The following AGTPBP1 variants were observed in gnomAD, a reference collection of about 807,000 sequenced individuals.
AGTPBP1 encodes the protein cytosolic carboxypeptidase 1.
AGTPBP1 carries 70 observed loss-of-function variants against 143.9 expected under a neutral mutation model. The observed-to-expected ratio is 0.49, with a 90% confidence interval of 0.40 to 0.59. The LOEUF (loss-of-function observed/expected upper bound fraction) is 0.59. Among genes scored for constraint, AGTPBP1 ranks in the 20% least tolerant of loss-of-function variants. AGTPBP1 has a pLI of 0.00. For missense variants in AGTPBP1, 1,229 were observed against 1,464.5 expected, an observed-to-expected ratio of 0.84 and a Z score of 2.62; for synonymous variants, 463 against 500.2, an observed-to-expected ratio of 0.93 and a Z score of 0.99.
intron 23 of AGTPBP1, among the ~76,000 whole-genome samples, chr9:85,583,526 G>T (rs1214645313): frequency 6.6e-6 from 1 of 152,036 alleles, no homozygotes; most frequent in Non-Finnish European, 1.5e-5. Flanking sequence ...TGAAATTTGG[G>T]TGCTTTATTT....
the AGTPBP1 span, among the ~76,000 whole-genome samples, chr9:85,780,542 C>T: frequency 6.6e-6 from 1 of 151,416 alleles, no homozygotes; most frequent in African/African-American, 2.4e-5. Context: ...GATACTAAAG[C>T]AGCCAATGAA....
intron 2 of AGTPBP1, among the ~76,000 whole-genome samples, chr9:85,697,357 A>G (rs1052272100): frequency 2.0e-5 from 3 of 151,132 alleles, no homozygotes; most frequent in Non-Finnish European, 4.4e-5. Flanking sequence ...TTAATGCAAA[A>G]ACATTATATG....
At chr9:85,710,339 G>A (rs1837287508) in intron 2 of AGTPBP1, among the ~76,000 whole-genome samples, 1 of 152,046 alleles carries the variant, frequency 6.6e-6, no homozygotes, top group Non-Finnish European at 1.5e-5. Context: ...ATCAAAGACA[G>A]TATCTACAGA....
the AGTPBP1 span, among the ~76,000 whole-genome samples, chr9:85,771,848 C>T: frequency 2.2e-4 from 33 of 151,610 alleles, no homozygotes; most frequent in South Asian, 1.0e-3. Context: ...TTAGTAGAGA[C>T]GGGGTTTCAC....
At chr9:85,668,967 ATGTGTGTGTG>A (rs539493558) in intron 8 of AGTPBP1, among the ~76,000 whole-genome samples, 2,388 of 114,392 alleles carry the variant, frequency 0.021, 75 homozygotes, top group African/African-American at 0.051. Flanking sequence ...ACATACATAC[ATGTGTGTGTG>A]TGTGTGTGTG....
intron 2 of AGTPBP1, among the ~76,000 whole-genome samples, chr9:85,696,036 T>G (rs1836216882): frequency 6.6e-6 from 1 of 152,094 alleles, no homozygotes; most frequent in African/African-American, 2.4e-5. Context: ...GAGACGGGGT[T>G]TCACCACGTT....
chr9:85,776,815 C>G, the AGTPBP1 span, among the ~76,000 whole-genome samples: 1 of 152,122 alleles, frequency 6.6e-6, no homozygotes, highest in Non-Finnish European at 1.5e-5. Context: ...GTTGTGGGAA[C>G]AGGAAGCAAA....
chr9:85,675,852 C>T (rs1398025862), intron 6 of AGTPBP1, among the ~76,000 whole-genome samples: 2 of 151,982 alleles, frequency 1.3e-5, no homozygotes, highest in African/African-American at 4.8e-5. Flanking sequence ...GGTGAAACCC[C>T]GTCTCTACTA....
chr9:85,626,679 C>T (rs534018494), intron 14 of AGTPBP1, among the ~76,000 whole-genome samples: 16 of 147,392 alleles, frequency 1.1e-4, no homozygotes, highest in Admixed American at 1.1e-3. Flanking sequence ...CAGGGGTCAG[C>T]AAACTTCTCC....
At chr9:85,742,449 C>A (rs1824424282), upstream of AGTPBP1, among the ~76,000 whole-genome samples, 1 of 151,758 alleles carries the variant, frequency 6.6e-6, no homozygotes, top group African/African-American at 2.4e-5. Flanking sequence ...CTGGGGACTG[C>A]GGTAAAGCTT....
chr9:85,639,450 C>T (rs1340721206), intron 13 of AGTPBP1, among the ~76,000 whole-genome samples: 3 of 150,952 alleles, frequency 2.0e-5, no homozygotes, highest in Admixed American at 6.6e-5. Context: ...TAGATGACAA[C>T]GCAAAAAAAG....
chr9:85,741,650 G>A, intron 1 of AGTPBP1, 125 bp downstream of exon 1: 1 of 1,249,034 alleles, frequency 8.0e-7, no homozygotes, highest in Non-Finnish European at 1.0e-6. Context: ...AACCCGTCAG[G>A]TAAGGGGCGC....
rs1167309202 is a variant in AGTPBP1 at position 85,592,826 on chromosome 9, T to A, written c.2424-122A>T. 2.7e-6 allele frequency: 3 copies of A among 1,130,454 alleles called. No individual in the cohort carries two copies. The African/African-American group carries it at 4.8e-5, about 18-fold the overall frequency. The allele number at this position is 1,130,454 out of a possible 1,614,324, so 70.0% of individuals were successfully genotyped here. ...AACCCGAGTCTGTAAAAAGTGTAAC[T>A]TAAATACCCTATTTTAAAAAAACTT... On this transcript the variant is annotated intron_variant, in intron 18 of 25. Coordinates refer to ENST00000357081, the MANE Select transcript of AGTPBP1 (RefSeq NM_001330701.2).
At chr9:85,706,760 C>T (rs1837033895) in intron 2 of AGTPBP1, among the ~76,000 whole-genome samples, 1 of 151,872 alleles carries the variant, frequency 6.6e-6, no homozygotes, top group Non-Finnish European at 1.5e-5. Flanking sequence ...CCTGCAATCC[C>T]AGCTACTCGG....
the AGTPBP1 span, chr9:85,764,701 C>A: frequency 9.0e-7 from 1 of 1,112,090 alleles, no homozygotes; most frequent in Non-Finnish European, 1.4e-6. Context: ...TGGGTTGTAT[C>A]TTTTAGGCCT....
intron 25 of AGTPBP1, among the ~76,000 whole-genome samples, chr9:85,572,671 G>T (rs898617527): frequency 6.6e-6 from 1 of 152,138 alleles, no homozygotes; most frequent in Admixed American, 6.5e-5. Flanking sequence ...CGATATTTCA[G>T]TATATCTAAA....
At chr9:85,617,505 T>A (rs1005187166) in intron 17 of AGTPBP1, among the ~76,000 whole-genome samples, 2 of 152,208 alleles carry the variant, frequency 1.3e-5, no homozygotes, top group East Asian at 3.8e-4. Context: ...GGCATAATGT[T>A]TGACTACTGG....
At chr9:85,569,537 T>C (rs924932358) in intron 25 of AGTPBP1, among the ~76,000 whole-genome samples, 44 of 152,214 alleles carry the variant, frequency 2.9e-4, no homozygotes, top group Non-Finnish European at 5.7e-4. Flanking sequence ...TAAAGCTGGC[T>C]AGTTTTATCT....
intron 20 of AGTPBP1, 125 bp from the exon 21 acceptor site, chr9:85,588,603 T>C (rs1422836368): frequency 2.1e-6 from 2 of 935,748 alleles, no homozygotes. Flanking sequence ...TAGAACCCAA[T>C]GGTGCATCCT....
Sources: allele counts gnomAD v4.1 joint callset (sites outside exome capture counted in the v4.1 genomes callset), GRCh38; gene constraint gnomAD v4.1.1; transcripts MANE v1.5; gene names NCBI Gene and HGNC (gene_info 2026-07-23, HGNC 2026-07-21).